Variants in FHOD3 observed in about 807,000 individuals in gnomAD.
FHOD3 encodes the protein FH1/FH2 domain-containing protein 3.
A neutral mutation model predicts 173.0 loss-of-function variants in FHOD3; 90 were observed. The ratio of observed to expected loss-of-function variants is 0.52; its 90% CI spans 0.44 to 0.62. The LOEUF is 0.62. Among genes scored for constraint, FHOD3 ranks in the 20% least tolerant of loss-of-function variants. The probability of loss-of-function intolerance (pLI) is 0.00; values close to 1 mark genes in which losing one functional copy is unlikely to be tolerated. For synonymous variants in FHOD3, 828 were observed against 823.0 expected, an observed-to-expected ratio of 1.01 and a Z score of -0.10; for missense variants, 1,945 against 2,034.7, an observed-to-expected ratio of 0.96 and a Z score of 0.85.
chr18:36,686,849 A>G (rs1568607165), intron 15 of FHOD3, among the ~76,000 whole-genome samples: 1 of 152,184 alleles, frequency 6.6e-6, no homozygotes, highest in Non-Finnish European at 1.5e-5. Flanking sequence ...CTTTCCTCAG[A>G]TACTTACATT....
intron 5 of FHOD3, among the ~76,000 whole-genome samples, chr18:36,516,902 A>G (rs1288045789): frequency 3.9e-5 from 6 of 152,174 alleles, no homozygotes; most frequent in Admixed American, 3.9e-4. Flanking sequence ...AGGGGAAACA[A>G]AAGCATGTGG....
chr18:36,461,822 G>T (rs1032679235), intron 3 of FHOD3, among the ~76,000 whole-genome samples: 5 of 152,170 alleles, frequency 3.3e-5, no homozygotes, highest in African/African-American at 1.2e-4. Context: ...CAAGGAAGGG[G>T]GTGATGTAGT....
At chr18:36,622,367 T>A (rs1374141877) in intron 9 of FHOD3, among the ~76,000 whole-genome samples, 1 of 152,032 alleles carries the variant, frequency 6.6e-6, no homozygotes, top group African/African-American at 2.4e-5. Context: ...AAGAAAAAAA[T>A]TCTTAAGAAT....
intron 14 of FHOD3, among the ~76,000 whole-genome samples, chr18:36,665,035 G>C (rs1268191404): frequency 6.6e-6 from 1 of 152,158 alleles, no homozygotes; most frequent in African/African-American, 2.4e-5. Context: ...GGCAGCTGCT[G>C]TGAGCTAAGG....
chr18:36,363,501 G>A (rs1381587040), intron 2 of FHOD3, among the ~76,000 whole-genome samples: 5 of 152,194 alleles, frequency 3.3e-5, no homozygotes, highest in African/African-American at 1.2e-4. Flanking sequence ...GAAAAGACAT[G>A]GGGGAACCTT....
chr18:36,599,065 TAGAG>T (rs1201692458), intron 7 of FHOD3, among the ~76,000 whole-genome samples: 2 of 152,170 alleles, frequency 1.3e-5, no homozygotes, highest in African/African-American at 4.8e-5. Context: ...TGGGAGCCCT[TAGAG>T]AGCCTTGCTT....
At chr18:36,579,397 C>G (rs1026648776) in intron 6 of FHOD3, among the ~76,000 whole-genome samples, 2 of 152,144 alleles carry the variant, frequency 1.3e-5, no homozygotes, top group African/African-American at 4.8e-5. Flanking sequence ...AGCTCATCAC[C>G]AGACAGAGAA....
chr18:36,765,829 T>C (rs1176732049), intron 27 of FHOD3, among the ~76,000 whole-genome samples: 1 of 152,016 alleles, frequency 6.6e-6, no homozygotes, highest in Non-Finnish European at 1.5e-5. Context: ...ATATAAGATC[T>C]GAGGGACACA....
At chr18:36,654,885 G>A (rs1179022063) in intron 13 of FHOD3, among the ~76,000 whole-genome samples, 1 of 152,126 alleles carries the variant, frequency 6.6e-6, no homozygotes, top group Non-Finnish European at 1.5e-5. Flanking sequence ...GGTGATTTTG[G>A]AAGGAGAAGC....
intron 3 of FHOD3, among the ~76,000 whole-genome samples, chr18:36,456,574 A>C (rs1326877791): frequency 6.6e-6 from 1 of 152,076 alleles, no homozygotes; most frequent in African/African-American, 2.4e-5. Flanking sequence ...GTAGTTTTCA[A>C]ACTGCTCATC....
At position 36,476,220 on chromosome 18, in the gene FHOD3, C is replaced by T. The variant is rs866889705; in HGVS notation, c.338-25712C>T. 1.1e-4 allele frequency among the ~76,000 whole-genome samples: 16 copies of T among 152,284 alleles called. 1 individual carries two copies. The highest frequency in any genetic ancestry group is 3.8e-4 in the African/African-American group (16 of 41,564). On this transcript the variant is annotated intron_variant, in intron 3 of 28. Transcript: ENST00000590592. ...CTCCCATGGCATATGGTTTTGCTGG[C>T]TGCGACAGCTCCTGTTCCGCTGGGT...
intron 3 of FHOD3, among the ~76,000 whole-genome samples, chr18:36,440,977 G>T (rs1302125611): frequency 6.6e-6 from 1 of 152,090 alleles, no homozygotes; most frequent in Non-Finnish European, 1.5e-5. Context: ...AATTGGCAGG[G>T]CACCCAGTTA....
At chr18:36,309,762 C>T (rs1004096380) in intron 1 of FHOD3, among the ~76,000 whole-genome samples, 11 of 152,126 alleles carry the variant, frequency 7.2e-5, no homozygotes, top group African/African-American at 1.9e-4. Context: ...GTCAAGGATA[C>T]GAGTGGTTTT....
intron 3 of FHOD3, among the ~76,000 whole-genome samples, chr18:36,405,853 C>T (rs2049031615): frequency 6.6e-6 from 1 of 151,970 alleles, no homozygotes; most frequent in African/African-American, 2.4e-5. Flanking sequence ...CCTTTTTTTC[C>T]CCCTTTGTCG....
chr18:36,394,162 A>AT (rs1186056295), intron 3 of FHOD3, among the ~76,000 whole-genome samples: 1 of 152,036 alleles, frequency 6.6e-6, no homozygotes, highest in East Asian at 1.9e-4. Flanking sequence ...GGAGACCTGG[A>AT]TTTTCTGAGC....
chr18:36,746,955 A>C lies in FHOD3; in HGVS notation c.4052A>C (p.Asp1351Ala), dbSNP rs771378845. 9 of 1,607,206 alleles carry C rather than the reference A, an allele frequency of 5.6e-6. No individual in the cohort carries two copies. In the South Asian group the frequency reaches 1.0e-4, roughly 18 times the overall value. The change falls in exon 24 of 29, where the codon GAT (aspartate) becomes GCT (alanine). Residue 1351 changes from aspartate to alanine, a missense_variant. Transcript: ENST00000590592. ...CGCTCTGATTTTCAGGTTGACTTTG[A>C]TCAACTTCAGGATAATTTATGTCAG... ...AITRSAKVDF[D>A]QLQDNLCQME...
chr18:36,631,826 C>A (rs1473320679), intron 10 of FHOD3, among the ~76,000 whole-genome samples: 1 of 152,052 alleles, frequency 6.6e-6, no homozygotes, highest in African/African-American at 2.4e-5. Context: ...GAGTACTTGG[C>A]AATTAGTAAG....
At chr18:36,541,249 C>CAAAAAAAAAAAA (rs770104487) in intron 5 of FHOD3, among the ~76,000 whole-genome samples, 6 of 40,266 alleles carry the variant, frequency 1.5e-4, no homozygotes, top group Admixed American at 2.5e-4. Context: ...GACTCTGTCT[C>CAAAAAAAAAAAA]AAAAAAAAAA....
At chr18:36,366,815 C>T (rs749638050) in intron 2 of FHOD3, among the ~76,000 whole-genome samples, 9 of 152,180 alleles carry the variant, frequency 5.9e-5, no homozygotes, top group Non-Finnish European at 1.0e-4. Flanking sequence ...CTTTTTACTC[C>T]TGGGGCAACT....
Sources: gnomAD v4.1 joint callset for allele counts (sites outside exome capture counted in the v4.1 genomes callset) on GRCh38, gnomAD v4.1.1 for gene constraint, MANE v1.5 for transcripts, NCBI Gene and HGNC (gene_info 2026-07-23, HGNC 2026-07-21) for gene names.